Variants in RPUSD1 observed in about 807,000 individuals in gnomAD.
The protein encoded by RPUSD1 is RNA pseudouridine synthase domain containing 1.
Under a neutral mutation model 22.4 loss-of-function variants are expected in RPUSD1, and 28 were observed. That is an observed-to-expected ratio of 1.25 (90% CI 0.93 to 1.72). The LOEUF is 1.72. Among genes scored for constraint, RPUSD1 ranks in the 40% most tolerant of loss-of-function variants. The pLI, the probability that RPUSD1 is intolerant of heterozygous loss-of-function variation, is 0.00. For synonymous variants in RPUSD1, 298 were observed against 201.0 expected (o/e 1.48, Z -4.08); for missense variants, 596 against 442.2 (o/e 1.35, Z -3.12).
At chr16:787,972 G>A in intron 1 of RPUSD1, 1 of 589,788 alleles carries the variant, frequency 1.7e-6, no homozygotes, top group Non-Finnish European at 3.0e-6. Context: ...GGCCCTGCCT[G>A]ACCTAAGCCT....
In RPUSD1 at chr16:786,364, C is replaced by G; in HGVS notation, c.525G>C (p.Gln175His). ...LLKPLTGRTH[Q>H]LRVHCSALGH... is the part of the protein sequence containing the mutation. Reference sequence around the variant, plus strand: ...CCAGGGCACTGCAGTGCACGCGCAGCTGGTGTGTCCGGCCTGCGGGATGAG... The same window carrying G: ...CCAGGGCACTGCAGTGCACGCGCAGGTGGTGTGTCCGGCCTGCGGGATGAG... Residue 175 changes from glutamine (Q) to histidine (H), a missense_variant, in exon 6 of 6, where the codon CAG (glutamine) becomes CAC (histidine). Transcript: ENST00000007264. The G allele has an allele frequency of 6.2e-7, 1 of 1,606,410 alleles. No individual in the cohort carries two copies. The highest frequency in any genetic ancestry group is 8.5e-7 in the Non-Finnish European group (1 of 1,175,576).
Position 786,869 on chromosome 16 carries a change from C to A in RPUSD1, c.469G>T (p.Ala157Ser). The A allele has an allele frequency of 6.2e-7, 1 of 1,613,310 alleles. No individual in the cohort carries two copies. The change falls in exon 5 of 6, where the codon GCA (alanine) becomes TCA (serine). Residue 157 changes from alanine to serine, a missense_variant. Physicochemically the swap from Ala to Ser is moderately conservative, Grantham distance 99. Transcript: ENST00000007264. Reference protein sequence around the residue: ...DLVVLEHGLYAGDPVSKVLLK... With the variant: ...DLVVLEHGLYSGDPVSKVLLK... ...AGCACTTTGGAGACAGGATCGCCTG[C>A]GTACAGCCCGTGTTCCAGAACCACG...
Position 785,978 on chromosome 16 carries a change from G to T in RPUSD1, c.911C>A (p.Ser304Ter). 1.4e-6 allele frequency: 2 copies of T among 1,447,286 alleles called. No individual in the cohort carries two copies. The highest frequency in any genetic ancestry group is 9.1e-7 in the Non-Finnish European group (1 of 1,103,812). 89.7% of individuals were successfully genotyped at this position (1,447,286 alleles called of 1,614,324 possible). The change falls in exon 6 of 6, where the codon TCG (serine) becomes TAG (stop). Residue 304 changes from serine (S) to a stop codon, truncating the protein, a stop_gained. Coordinates refer to ENST00000007264, the MANE Select transcript of RPUSD1 (RefSeq NM_058192.3). LOFTEE classifies it high-confidence loss of function. Reference sequence around the variant, plus strand: ...GCTGTCCGGTTCCAGCGTCCACTCCGACAGCCACTGCAGGCAGGGGCCCCG... The same window carrying T: ...GCTGTCCGGTTCCAGCGTCCACTCCTACAGCCACTGCAGGCAGGGGCCCCG... ...AQRGPCLQWL[S>*]EWTLEPDS
rs989315409 is a variant in RPUSD1 at position 787,705 on chromosome 16, G to A, written c.33C>T (p.Ile11=). The A allele has an allele frequency of 2.5e-6, 4 of 1,611,520 alleles. No homozygotes were observed. The highest frequency in any genetic ancestry group is 1.3e-5 in the African/African-American group (1 of 74,928). The change falls in exon 2 of 6, where the codon ATC becomes ATT. Residue 11 remains isoleucine (I), a synonymous_variant. Transcript: ENST00000007264. ...CCAGGAAGTCGCGGCTCCGGTACAC[G>A]ATGGACAGGTTCTCCACGCTGCCTG... MEPGSVENLS[I]VYRSRDFLVV...
chr16:788,147 C>T (rs1409755986), intron 1 of RPUSD1, 109 bp downstream of exon 1: 1 of 446,174 alleles, frequency 2.2e-6, no homozygotes, highest in Non-Finnish European at 4.4e-6. Context: ...AGGGCTGGGG[C>T]CTCCTCGCTC....
chr16:785,737 G>A lies in RPUSD1; in HGVS notation c.*213C>T. On this transcript the variant is annotated 3_prime_UTR_variant, in exon 6 of 6. Transcript: ENST00000007264. The stretch of plus-strand genomic sequence containing the variant: ...CTCGGGATCCCGCATCAGTCCCACG[G>A]CCGCGGTGCGGTCGTCACCTGTGAT... 2.4e-6 allele frequency: 1 copy of A among 424,256 alleles called. No individual in the cohort carries two copies. The highest frequency in any genetic ancestry group is 4.1e-6 in the Non-Finnish European group (1 of 245,460). The allele number at this position is 424,256 out of a possible 1,614,324, so 26.3% of individuals were successfully genotyped here.
In RPUSD1 at chr16:786,265, C is replaced by T. The variant is rs1440685175; in HGVS notation, c.624G>A (p.Leu208=). ...TGGGGATGCGCAGGTAGAAAGCGTG[C>T]AGCATCATTCTGAACGGCCGGTCCT... is the stretch of plus-strand genomic sequence containing the variant. The part of the protein sequence containing the change: ...GREDRPFRMM[L]HAFYLRIPTD... Residue 208 remains leucine (L), a synonymous_variant, in exon 6 of 6, where the codon CTG becomes CTA. Transcript: ENST00000007264. 11 of 1,612,652 alleles carry T rather than the reference C, an allele frequency of 6.8e-6. No individual in the cohort carries two copies. In the Admixed American group the frequency reaches 1.8e-4, roughly 27 times the overall value.
chr16:785,948 T>C lies in RPUSD1; in HGVS notation c.*2A>G. 1 of 1,434,454 alleles carries C rather than the reference T, an allele frequency of 7.0e-7. No homozygotes were observed. Among genetic ancestry groups the C allele is most frequent in the Non-Finnish European group, 9.1e-7 (1 of 1,097,010 alleles). 88.9% of individuals were successfully genotyped at this position (1,434,454 alleles called of 1,614,324 possible). ...ACACCCCCTGCCCCAGCCCCACGGCTCTCAGCTGTCCGGTTCCAGCGTCCA... is the reference window on the plus strand; with the variant it reads ...ACACCCCCTGCCCCAGCCCCACGGCCCTCAGCTGTCCGGTTCCAGCGTCCA... On this transcript the variant is annotated 3_prime_UTR_variant, in exon 6 of 6. Coordinates refer to ENST00000007264, the MANE Select transcript of RPUSD1 (RefSeq NM_058192.3).
At chr16:787,033 C>T (rs1209870773) in intron 4 of RPUSD1, 44 bp downstream of exon 4, 1 of 1,597,148 alleles carries the variant, frequency 6.3e-7, no homozygotes. Flanking sequence ...CCCAGGCCCA[C>T]CCCAACCCAC....
chr16:786,227 C>G lies in RPUSD1; in HGVS notation c.662G>C (p.Cys221Ser), dbSNP rs772271953. ...FYLRIPTDTE[C>S]VEVCTPDPFL... The stretch of plus-strand genomic sequence containing the variant: ...GGGGTCAGGCGTGCAGACCTCCACA[C>G]ACTCGGTGTCCGTGGGGATGCGCAG... The change falls in exon 6 of 6, where the codon TGT (cysteine) becomes TCT (serine). Residue 221 changes from cysteine to serine, a missense_variant. By Grantham distance (112) the Cys-to-Ser change is moderately radical. Coordinates refer to ENST00000007264, the MANE Select transcript of RPUSD1 (RefSeq NM_058192.3). 3 of 1,612,798 alleles carry G rather than the reference C, an allele frequency of 1.9e-6. No homozygotes were observed. In the East Asian group the frequency reaches 6.7e-5, roughly 36 times the overall value.
At chr16:786,548 G>C (rs577849463) in intron 5 of RPUSD1, 171 bp from the exon 6 acceptor site, 3 of 779,606 alleles carry the variant, frequency 3.8e-6, no homozygotes, top group Non-Finnish European at 6.5e-6. Flanking sequence ...ATTTAGGACA[G>C]AAGATTGTGT....
chr16:787,591 G>A lies in RPUSD1; in HGVS notation c.147C>T (p.Pro49=), dbSNP rs758632208. The A allele has an allele frequency of 4.3e-6, 7 of 1,611,142 alleles. No individual in the cohort carries two copies. In the Admixed American group the frequency reaches 8.3e-5, roughly 19 times the overall value. ...TLQKQLRYRF[P]ELADPDTCYG... The stretch of plus-strand genomic sequence containing the variant: ...AGCAGGTGTCAGGGTCGGCCAGCTC[G>A]GGAAAGCGGTACCGCAGCTGCTTCT... Residue 49 remains proline (P), a synonymous_variant, in exon 2 of 6, where the codon CCC becomes CCT. Coordinates refer to ENST00000007264, the MANE Select transcript of RPUSD1 (RefSeq NM_058192.3).
chr16:787,304 G>T (rs773385686), intron 3 of RPUSD1, 50 bp downstream of exon 3: 1 of 1,553,726 alleles, frequency 6.4e-7, no homozygotes, highest in Non-Finnish European at 8.7e-7. Context: ...CCCAAGTGGG[G>T]TGGGAATCCT....
At chr16:786,469 G>C in intron 5 of RPUSD1, 92 bp from the exon 6 acceptor site, 1 of 1,322,094 alleles carries the variant, frequency 7.6e-7, no homozygotes, top group Non-Finnish European at 1.0e-6. Context: ...TCATGACCCC[G>C]CTGCAGTCTT....
chr16:786,482 A>G, intron 5 of RPUSD1, 105 bp from the exon 6 acceptor site: 1 of 1,159,546 alleles, frequency 8.6e-7, no homozygotes. Context: ...GCAGTCTTGA[A>G]GCAGCCTCTT....
rs2041902374 is a variant in RPUSD1, at chr16:786,192, A to G, written c.697T>C (p.Ser233Pro). The change falls in exon 6 of 6, where the codon TCC (serine) becomes CCC (proline). Residue 233 changes from serine to proline, a missense_variant. Coordinates refer to ENST00000007264, the MANE Select transcript of RPUSD1 (RefSeq NM_058192.3). ...TGGGGGCTCCAGCAGGCATCCAGGG[A>G]GGGCAGGAAGGGGTCAGGCGTGCAG... Reference protein sequence around the residue: ...EVCTPDPFLPSLDACWSPHTL... With the variant: ...EVCTPDPFLPPLDACWSPHTL... The G allele has an allele frequency of 6.2e-7, 1 of 1,612,322 alleles. No homozygotes were observed. Among genetic ancestry groups the G allele is most frequent in the South Asian group, 1.1e-5 (1 of 91,068 alleles).
chr16:785,746 C>T lies in RPUSD1; in HGVS notation c.*204G>A, dbSNP rs546286039. ...CCGCATCAGTCCCACGGCCGCGGTG[C>T]GGTCGTCACCTGTGATCACGGCTGC... On this transcript the variant is annotated 3_prime_UTR_variant, in exon 6 of 6. Transcript: ENST00000007264. The T allele has an allele frequency of 1.6e-5, 7 of 429,992 alleles. No individual in the cohort carries two copies. The highest frequency in any genetic ancestry group is 9.7e-5 in the South Asian group (1 of 10,294). The allele number at this position is 429,992 out of a possible 1,614,324, so 26.6% of individuals were successfully genotyped here.
Position 786,658 on chromosome 16 carries a change from C to T in RPUSD1, c.511+169G>A, listed in dbSNP as rs1179124723. The T allele has an allele frequency of 9.3e-6, 7 of 751,494 alleles. No homozygotes were observed. The East Asian group carries it at 1.8e-4, about 20-fold the overall frequency. The allele number at this position is 751,494 out of a possible 1,614,324, so 46.6% of individuals were successfully genotyped here. ...GGAATCAGTCAGGAGCCAGCAGGGA[C>T]CCTGTGTCAGGTGAGAAGCTGAGAG... On this transcript the variant is annotated intron_variant, in intron 5 of 5. Transcript: ENST00000007264.
chr16:786,746 G>T, intron 5 of RPUSD1, 81 bp downstream of exon 5: 1 of 1,136,008 alleles, frequency 8.8e-7, no homozygotes, highest in Non-Finnish European at 1.3e-6. Context: ...TGATGCTCAG[G>T]GTGGCCCAAC....
Sources: gnomAD v4.1 joint callset for allele counts on GRCh38, gnomAD v4.1.1 for gene constraint, MANE v1.5 for transcripts, NCBI Gene and HGNC (gene_info 2026-07-23, HGNC 2026-07-21) for gene names.